MGAM2: variants seen among roughly 807,000 people sequenced by gnomAD.
MGAM2 encodes probable maltase-glucoamylase 2.
Under a neutral mutation model 96.1 loss-of-function variants are expected in MGAM2, and 98 were observed. That is an observed-to-expected ratio of 1.02 (90% confidence interval 0.87 to 1.21). MGAM2 has a LOEUF of 1.21. MGAM2 is among the 50% of genes most tolerant of loss of function. MGAM2 has a pLI of 0.00. For missense variants in MGAM2, 2,055 were observed against 1,182.4 expected, an observed-to-expected ratio of 1.74 and a Z score of -10.82; for synonymous variants, 749 against 414.8, an observed-to-expected ratio of 1.81 and a Z score of -9.79.
rs546541591 is a variant in MGAM2 at position 142,196,954 on chromosome 7, G to T, written c.4632+138G>T. ...ATCTTAATTTCTTGGAAAATCCACA[G>T]AGTTCAGAACTCTGGAATTATCAGT... On this transcript the variant is annotated intron_variant, in intron 40 of 47. Transcript: ENST00000477922. 10 of 610,380 alleles carry T rather than the reference G, an allele frequency of 1.6e-5. No individual in the cohort carries two copies. The African/African-American group carries it at 1.8e-4, about 11-fold the overall frequency. The allele number at this position is 610,380 out of a possible 1,614,324, so 37.8% of individuals were successfully genotyped here. A position where few individuals can be genotyped will look rare whatever the true frequency, so the allele number is the denominator to read the frequency against.
In MGAM2 at chr7:142,172,167, G is replaced by A. The variant is rs746209191; in HGVS notation, c.3421G>A (p.Val1141Met). The A allele has an allele frequency of 1.9e-5, 14 of 721,730 alleles. No individual in the cohort carries two copies. The African/African-American group carries it at 2.1e-4, about 11-fold the overall frequency. The allele number at this position is 721,730 out of a possible 1,614,324, so 44.7% of individuals were successfully genotyped here. A position where few individuals can be genotyped will look rare whatever the true frequency, so the allele number is the denominator to read the frequency against. Residue 1141 changes from valine to methionine, a missense_variant, in exon 29 of 48, where the codon GTG (valine) becomes ATG (methionine). Transcript: ENST00000477922. ...GGAGGAGGATGGTAGTGCCCATGGA[G>A]TGCTCCTGCTAAATAGCAATGCCAT... is the stretch of plus-strand genomic sequence containing the variant. Reference protein sequence around the residue: ...ALEEDGSAHGVLLLNSNAMDV... With the variant: ...ALEEDGSAHGMLLLNSNAMDV...
At chr7:142,143,565 T>C (rs985228101) in intron 12 of MGAM2, among the ~76,000 whole-genome samples, 7 of 152,244 alleles carry the variant, frequency 4.6e-5, no homozygotes, top group Non-Finnish European at 7.3e-5. Flanking sequence ...TGGCTTTTCA[T>C]TGATCTACTC....
intron 1 of MGAM2, among the ~76,000 whole-genome samples, chr7:142,115,392 T>C (rs1442917038): frequency 6.6e-6 from 1 of 152,172 alleles, no homozygotes; most frequent in African/African-American, 2.4e-5. Context: ...CTGCAGATTC[T>C]GTTAGCAGAT....
intron 1 of MGAM2, among the ~76,000 whole-genome samples, chr7:142,114,196 A>AAGAT (rs1425240520): frequency 7.4e-6 from 1 of 134,478 alleles, no homozygotes; most frequent in Non-Finnish European, 1.5e-5. Flanking sequence ...GAAAGAAAGA[A>AAGAT]AGAAAGAAAG....
chr7:142,183,650 T>C (rs1184234209), intron 33 of MGAM2, among the ~76,000 whole-genome samples: 1 of 152,218 alleles, frequency 6.6e-6, no homozygotes, highest in Non-Finnish European at 1.5e-5. Flanking sequence ...AGAATCCCTT[T>C]GAGAATGACA....
chr7:142,112,619 C>A (rs75906079), intron 1 of MGAM2, among the ~76,000 whole-genome samples: 1 of 152,036 alleles, frequency 6.6e-6, no homozygotes, highest in African/African-American at 2.4e-5. Context: ...TCTTTAAGCT[C>A]TGCAGCCTAG....
At chr7:142,143,912 T>C (rs1585159229) in intron 13 of MGAM2, 30 bp downstream of exon 13, 2 of 700,550 alleles carry the variant, frequency 2.9e-6, no homozygotes, top group Non-Finnish European at 5.2e-6. Context: ...TCAAATTTCC[T>C]TTGGAAACAG....
In MGAM2 at chr7:142,178,816, A is replaced by G. The variant is rs369773567; in HGVS notation, c.3816+3036A>G. Among the ~76,000 whole-genome samples, 10 of 152,296 alleles carry G rather than the reference A, an allele frequency of 6.6e-5. No individual in the cohort carries two copies. The East Asian group carries it at 1.9e-3, about 29-fold the overall frequency. ...TAATTATGTGAAAAATGACATTTGTAGTTTAATAGATATAGCATTGAATCT... is the reference window on the plus strand; with the variant it reads ...TAATTATGTGAAAAATGACATTTGTGGTTTAATAGATATAGCATTGAATCT... On this transcript the variant is annotated intron_variant, in intron 32 of 47. Coordinates refer to ENST00000477922, the MANE Select transcript of MGAM2 (RefSeq NM_001293626.2).
At chr7:142,116,330 T>C (rs1817400829) in intron 1 of MGAM2, among the ~76,000 whole-genome samples, 1 of 152,192 alleles carries the variant, frequency 6.6e-6, no homozygotes, top group Admixed American at 6.5e-5. Flanking sequence ...CCAGCAAGAC[T>C]TATGCTGGGT....
At chr7:142,142,242 G>C (rs1262217703) in intron 12 of MGAM2, among the ~76,000 whole-genome samples, 3 of 151,572 alleles carry the variant, frequency 2.0e-5, no homozygotes, top group African/African-American at 7.3e-5. Flanking sequence ...TGCTTTTACT[G>C]TTTCGTTAGA....
chr7:142,203,356 A>C (rs1797297178), intron 45 of MGAM2, among the ~76,000 whole-genome samples: 1 of 152,120 alleles, frequency 6.6e-6, no homozygotes, highest in Non-Finnish European at 1.5e-5. Context: ...TGCCAAGACC[A>C]ACGTTGAGAA....
chr7:142,117,328 T>C (rs1817445760), intron 2 of MGAM2, among the ~76,000 whole-genome samples: 1 of 152,072 alleles, frequency 6.6e-6, no homozygotes, highest in South Asian at 2.1e-4. Context: ...CATTATATTA[T>C]GGAAAAGGAA....
chr7:142,131,959 A>C lies in MGAM2; in HGVS notation c.449A>C (p.Glu150Ala). 1 of 702,806 alleles carries C rather than the reference A, an allele frequency of 1.4e-6. No homozygotes were observed. 43.5% of individuals were successfully genotyped at this position (702,806 alleles called of 1,614,324 possible). Residue 150 changes from glutamate (E) to alanine (A), a missense_variant, in exon 6 of 48, where the codon GAA becomes GCA. Transcript: ENST00000477922. The part of the protein sequence containing the change: ...KITDFNNIRY[E>A]VSHENINLVD... The stretch of plus-strand genomic sequence containing the variant: ...ACTGACTTTAATAACATACGCTATG[A>C]AGTTTCCCATGAAAATATTAACCTG...
intron 46 of MGAM2, among the ~76,000 whole-genome samples, chr7:142,211,123 A>G (rs973975752): frequency 1.3e-5 from 2 of 152,238 alleles, no homozygotes; most frequent in African/African-American, 4.8e-5. Context: ...GAAAACTAAC[A>G]AACAGAAAGC....
In MGAM2 at chr7:142,218,381, C is replaced by T; in HGVS notation, c.5208C>T (p.Thr1736=). Residue 1736 remains threonine, a synonymous_variant, in exon 47 of 48, where the codon ACC becomes ACT. Coordinates refer to ENST00000477922, the MANE Select transcript of MGAM2 (RefSeq NM_001293626.2). ...IAAQNILQIQ[T]IHNKYLSDSN... ...TATAGAACATCCTGCAAATCCAGAC[C>T]ATACACAATAAGTATTTGAGTGACT... 1 of 693,966 alleles carries T rather than the reference C, an allele frequency of 1.4e-6. No individual in the cohort carries two copies. Among genetic ancestry groups the T allele is most frequent in the Non-Finnish European group, 2.6e-6 (1 of 381,480 alleles). 43.0% of individuals were successfully genotyped at this position (693,966 alleles called of 1,614,324 possible).
chr7:142,115,565 G>C (rs1161575156), intron 1 of MGAM2, among the ~76,000 whole-genome samples: 1 of 152,068 alleles, frequency 6.6e-6, no homozygotes, highest in Non-Finnish European at 1.5e-5. Context: ...AGTAAGGCAG[G>C]CTGGGTGCTG....
chr7:142,205,740 T>A (rs1797383561), intron 45 of MGAM2, among the ~76,000 whole-genome samples: 1 of 152,136 alleles, frequency 6.6e-6, no homozygotes, highest in Non-Finnish European at 1.5e-5. Context: ...TCAAATATTC[T>A]CTCTCATTTA....
chr7:142,193,948 C>T (rs1050272435), intron 37 of MGAM2, among the ~76,000 whole-genome samples: 13 of 152,104 alleles, frequency 8.5e-5, no homozygotes, highest in Non-Finnish European at 1.0e-4. Flanking sequence ...TTATGATGTC[C>T]CATAGGCACT....
rs138321419 is a variant in MGAM2 at position 142,123,232 on chromosome 7, AT to A, written c.186+2861del. Among the ~76,000 whole-genome samples, 48 of 142,470 alleles carry A rather than the reference AT, an allele frequency of 3.4e-4. No homozygotes were observed. In the South Asian group the frequency reaches 8.0e-3, roughly 24 times the overall value. 93.5% of individuals were successfully genotyped at this position (142,470 alleles called of 152,430 possible). ...GGCAATTGTGAGTTTTCATCTAGAG[AT>A]TTTTTTTTTACAGCACGATTCAAAA... On this transcript the variant is annotated intron_variant, in intron 3 of 47. Transcript: ENST00000477922.
Sources: allele counts gnomAD v4.1 joint callset (sites outside exome capture counted in the v4.1 genomes callset), GRCh38; gene constraint gnomAD v4.1.1; transcripts MANE v1.5; gene names NCBI Gene and HGNC (gene_info 2026-07-23, HGNC 2026-07-21).